The following PTBP1 variants were observed in gnomAD, a reference collection of about 807,000 sequenced individuals.
PTBP1 encodes polypyrimidine tract binding protein 1.
In PTBP1, 8 loss-of-function variants were observed where a neutral mutation model predicts 59.8. The observed-to-expected ratio is 0.13, with a 90% confidence interval of 0.08 to 0.24. The LOEUF is 0.24. PTBP1 is among the 10% of genes least tolerant of loss of function. The pLI is 1.00. For synonymous variants in PTBP1, 490 were observed against 320.7 expected (o/e 1.53, Z -5.64); for missense variants, 686 against 767.0 (o/e 0.89, Z 1.25).
Position 805,454 on chromosome 19 carries a change from G to A in PTBP1, c.893-38G>A, listed in dbSNP as rs1470482427. 1.9e-6 allele frequency: 3 copies of A among 1,572,914 alleles called. No individual in the cohort carries two copies. The Admixed American group carries it at 5.0e-5, about 26-fold the overall frequency. On this transcript the variant is annotated intron_variant, in intron 8 of 14. Coordinates refer to ENST00000356948, the MANE Select transcript of PTBP1 (RefSeq NM_002819.5). ...AGCACAGCGCCCGCTCGCGGTGGAG[G>A]TTGTGGGTGCGATGATTAGTGTCTC... is the stretch of plus-strand genomic sequence containing the variant.
Position 804,616 on chromosome 19 carries a change from G to A in PTBP1, c.520G>A (p.Gly174Arg), listed in dbSNP as rs1268312596. 1.2e-6 allele frequency: 2 copies of A among 1,612,542 alleles called. No homozygotes were observed. The highest frequency in any genetic ancestry group is 1.3e-5 in the African/African-American group (1 of 74,938). Residue 174 changes from glycine to arginine, a missense_variant, in exon 6 of 15, where the codon GGG (glycine) becomes AGG (arginine). Coordinates refer to ENST00000356948, the MANE Select transcript of PTBP1 (RefSeq NM_002819.5). ...TGCCTCGGCGGCGGCCGTGGACGCA[G>A]GGATGGCGATGGCCGGGCAGAGCCC... ...LAASAAAVDA[G>R]MAMAGQSPVL...
At chr19:797,757 C>T (rs1599211176) in intron 1 of PTBP1, among the ~76,000 whole-genome samples, 1 of 148,298 alleles carries the variant, frequency 6.7e-6, no homozygotes, top group South Asian at 2.1e-4. Flanking sequence ...GCGCACGCGG[C>T]CTCCCGCGCC....
chr19:811,076 CTCGGGGCCATGCCTTG>C lies in PTBP1; in HGVS notation c.*251_*266del, dbSNP rs2034842312. On this transcript the variant is annotated 3_prime_UTR_variant, in exon 15 of 15. Coordinates refer to ENST00000356948, the MANE Select transcript of PTBP1 (RefSeq NM_002819.5). ...GGCCCTCCACACCCGGGGCCAGACC[CTCGGGGCCATGCCTTG>C]GTGGGGCCTGTGTCGGGCGTGGGGC... 4.9e-6 allele frequency: 2 copies of C among 407,162 alleles called. No individual in the cohort carries two copies. Among genetic ancestry groups the C allele is most frequent in the Non-Finnish European group, 8.6e-6 (2 of 232,538 alleles). 25.2% of individuals were successfully genotyped at this position (407,162 alleles called of 1,614,324 possible).
At position 804,081 on chromosome 19, in the gene PTBP1, C is replaced by T. The variant is rs766040119; in HGVS notation, c.161C>T (p.Ala54Val). ...AAGTTCAAAGGTGACAGCCGAAGTG[C>T]AGGCGTCCCCTCTAGAGTGATCCAC... The part of the protein sequence containing the change: ...SKKFKGDSRS[A>V]GVPSRVIHIR... Residue 54 changes from alanine to valine, a missense_variant, in exon 4 of 15, where the codon GCA (alanine) becomes GTA (valine). Ala to Val is a moderately conservative substitution (Grantham distance 64). Coordinates refer to ENST00000356948, the MANE Select transcript of PTBP1 (RefSeq NM_002819.5). 1.2e-6 allele frequency: 2 copies of T among 1,614,068 alleles called. No homozygotes were observed. The highest frequency in any genetic ancestry group is 1.7e-6 in the Non-Finnish European group (2 of 1,180,004).
Position 804,862 on chromosome 19 carries a change from A to G in PTBP1, c.640A>G (p.Ile214Val). 6.2e-7 allele frequency: 1 copy of G among 1,613,946 alleles called. No homozygotes were observed. Among genetic ancestry groups the G allele is most frequent in the South Asian group, 1.1e-5 (1 of 91,086 alleles). ...CAAGTTCGGCACAGTGTTGAAGATC[A>G]TCACCTTCACCAAGAACAACCAGTT... Reference protein sequence around the residue: ...FSKFGTVLKIITFTKNNQFQA... With the variant: ...FSKFGTVLKIVTFTKNNQFQA... Residue 214 changes from isoleucine to valine, a missense_variant, in exon 7 of 15, where the codon ATC (isoleucine) becomes GTC (valine). Physicochemically the swap from Ile to Val is conservative, Grantham distance 29 (BLOSUM62 3). Coordinates refer to ENST00000356948, the MANE Select transcript of PTBP1 (RefSeq NM_002819.5).
intron 2 of PTBP1, among the ~76,000 whole-genome samples, chr19:801,689 TC>T (rs2034341430): frequency 6.6e-6 from 1 of 152,186 alleles, no homozygotes; most frequent in Non-Finnish European, 1.5e-5. Context: ...GGAAGCGACT[TC>T]CTGTGGGAGG....
Position 810,691 on chromosome 19 carries a change from C to T in PTBP1, c.1542-3C>T, listed in dbSNP as rs1465278712. The T allele has an allele frequency of 6.2e-7, 1 of 1,611,862 alleles. No homozygotes were observed. Among genetic ancestry groups the T allele is most frequent in the Non-Finnish European group, 8.5e-7 (1 of 1,179,410 alleles). On this transcript the variant is annotated splice_region_variant and splice_polypyrimidine_tract_variant and intron_variant, in intron 14 of 14. Coordinates refer to ENST00000356948, the MANE Select transcript of PTBP1 (RefSeq NM_002819.5). Reference sequence around the variant, plus strand: ...CGGCCGGCCCTGACCCCCTGTCTTGCAGGAAGGACCGCAAGATGGCACTGA... The same window carrying T: ...CGGCCGGCCCTGACCCCCTGTCTTGTAGGAAGGACCGCAAGATGGCACTGA...
At position 810,892 on chromosome 19, in the gene PTBP1, T is replaced by G. The variant is rs2097220758; in HGVS notation, c.*66T>G. On this transcript the variant is annotated 3_prime_UTR_variant, in exon 15 of 15. Coordinates refer to ENST00000356948, the MANE Select transcript of PTBP1 (RefSeq NM_002819.5). ...CCATCATTCCAGAGAAAAGCCACTT[T>G]AAAAACAGCTGAAGTGACCTTAGCA... 8 of 1,423,778 alleles carry G rather than the reference T, an allele frequency of 5.6e-6. No homozygotes were observed. Among genetic ancestry groups the G allele is most frequent in the Non-Finnish European group, 7.4e-6 (8 of 1,074,066 alleles). The allele number at this position is 1,423,778 out of a possible 1,614,324, so 88.2% of individuals were successfully genotyped here.
rs2034826426 is a variant in PTBP1 at position 810,767 on chromosome 19, A to G, written c.1615A>G (p.Asn539Asp). Residue 539 changes from asparagine to aspartate, a missense_variant, in exon 15 of 15, where the codon AAC (asparagine) becomes GAC (aspartate). Coordinates refer to ENST00000356948, the MANE Select transcript of PTBP1 (RefSeq NM_002819.5). ...GGTCCAGGCCCTCATTGACCTGCAC[A>G]ACCACGACCTCGGGGAGAACCACCA... ...EAVQALIDLH[N>D]HDLGENHHLR... 1.2e-6 allele frequency: 2 copies of G among 1,605,692 alleles called. No homozygotes were observed. Among genetic ancestry groups the G allele is most frequent in the African/African-American group, 1.3e-5 (1 of 74,408 alleles).
At chr19:806,829 G>C in intron 10 of PTBP1, 1 of 360,312 alleles carries the variant, frequency 2.8e-6, no homozygotes, top group Non-Finnish European at 5.0e-6. Context: ...AAAATTACTT[G>C]GAGCTGAGCA....
chr19:800,780 G>A (rs1159200051), intron 2 of PTBP1, among the ~76,000 whole-genome samples: 1 of 152,168 alleles, frequency 6.6e-6, no homozygotes, highest in Non-Finnish European at 1.5e-5. Context: ...GCAGGCAGTC[G>A]TCTCTTCCCT....
chr19:811,039 G>C lies in PTBP1; in HGVS notation c.*213G>C. 1 of 505,268 alleles carries C rather than the reference G, an allele frequency of 2.0e-6. No homozygotes were observed. 31.3% of individuals were successfully genotyped at this position (505,268 alleles called of 1,614,324 possible). A position where few individuals can be genotyped will look rare whatever the true frequency, so the allele number is the denominator to read the frequency against. On this transcript the variant is annotated 3_prime_UTR_variant, in exon 15 of 15. Coordinates refer to ENST00000356948, the MANE Select transcript of PTBP1 (RefSeq NM_002819.5). ...GCTCAGGCTCTTGGTGACTGTGGCA[G>C]CGGGAGTTCCCGGCCCTCCACACCC... is the stretch of plus-strand genomic sequence containing the variant.
chr19:799,251 C>T (rs1808553293), intron 1 of PTBP1, 162 bp from the exon 2 acceptor site: 3 of 766,834 alleles, frequency 3.9e-6, no homozygotes, highest in Non-Finnish European at 2.4e-6. Flanking sequence ...CACTTCCCTG[C>T]CCTTCTGAGC....
rs200492723 is a variant in PTBP1 at position 804,100 on chromosome 19, G to C, written c.180G>C (p.Val60=). The C allele has an allele frequency of 5.6e-6, 9 of 1,614,002 alleles. No individual in the cohort carries two copies. The East Asian group carries it at 1.6e-4, about 28-fold the overall frequency. Residue 60 remains valine (V), a synonymous_variant, in exon 4 of 15, where the codon GTG becomes GTC. Transcript: ENST00000356948. ...DSRSAGVPSR[V]IHIRKLPIDV... is the part of the protein sequence containing the mutation. ...GAAGTGCAGGCGTCCCCTCTAGAGT[G>C]ATCCACATCCGGAAGCTCCCCATCG...
rs776494440 is a variant in PTBP1, at chr19:808,327, G to A, written c.1154-33G>A. ...GGGGAGATGGGCGGGGCAGGCAGCA[G>A]GAGACTCAGGCCCCATCCCTGGGCT... On this transcript the variant is annotated intron_variant, in intron 11 of 14. Coordinates refer to ENST00000356948, the MANE Select transcript of PTBP1 (RefSeq NM_002819.5). This position sits in a 1 kb window ranked among gnomAD's most constrained non-coding sequence, Gnocchi z 4.7. 3.3e-6 allele frequency: 5 copies of A among 1,531,192 alleles called. No homozygotes were observed. The Admixed American group carries it at 9.4e-5, about 29-fold the overall frequency. The allele number at this position is 1,531,192 out of a possible 1,614,324, so 94.9% of individuals were successfully genotyped here.
At chr19:806,245 GC>G in intron 9 of PTBP1, 162 bp from the exon 10 acceptor site, 2 of 704,634 alleles carry the variant, frequency 2.8e-6, no homozygotes, top group South Asian at 4.6e-5. Context: ...GGGTGGCTGT[GC>G]GGGGGTCGGA....
chr19:811,834 G>A lies in PTBP1; in HGVS notation c.*1008G>A, dbSNP rs953768942. 5 of 152,338 alleles carry A rather than the reference G, an allele frequency of 3.3e-5. No individual in the cohort carries two copies. Among genetic ancestry groups the A allele is most frequent in the Non-Finnish European group, 7.4e-5 (5 of 68,016 alleles). 9.4% of individuals were successfully genotyped at this position (152,338 alleles called of 1,614,324 possible). ...TAGAAAACTTGCTCTCAAACTTCAG[G>A]GTTTTTTCTTCCTTCAAATTTTGGA... On this transcript the variant is annotated 3_prime_UTR_variant, in exon 15 of 15. Coordinates refer to ENST00000356948, the MANE Select transcript of PTBP1 (RefSeq NM_002819.5).
chr19:797,557 G>C, intron 1 of PTBP1, 52 bp downstream of exon 1: 1 of 1,308,794 alleles, frequency 7.6e-7, no homozygotes, highest in Non-Finnish European at 9.8e-7. Context: ...CCGCAGCCCT[G>C]CCCCCGCCGC....
chr19:809,334 CTTATT>C (rs1430165099), intron 13 of PTBP1, among the ~76,000 whole-genome samples: 151 of 122,476 alleles, frequency 1.2e-3, no homozygotes, highest in Middle Eastern at 9.5e-3. Flanking sequence ...ATTTATTTTA[CTTATT>C]TTGAGATGGA....
Sources: allele counts gnomAD v4.1 joint callset (sites outside exome capture counted in the v4.1 genomes callset), GRCh38; gene constraint gnomAD v4.1.1; non-coding constraint Gnocchi (gnomAD v3.1); transcripts MANE v1.5; gene names NCBI Gene and HGNC (gene_info 2026-07-23, HGNC 2026-07-21).